ONECUT3: variants seen among roughly 807,000 people sequenced by gnomAD.
ONECUT3 encodes one cut domain family member 3.
ONECUT3 carries 11 observed loss-of-function variants against 16.8 expected under a neutral mutation model. The ratio of observed to expected loss-of-function variants is 0.66; its 90% CI spans 0.41 to 1.09. ONECUT3 has a LOEUF of 1.09. Among genes scored for constraint, ONECUT3 ranks in the 50% least tolerant of loss-of-function variants. ONECUT3 has a pLI of 0.00. For synonymous variants in ONECUT3, 344 were observed against 310.7 expected, an observed-to-expected ratio of 1.11 and a Z score of -1.13; for missense variants, 637 against 629.9, an observed-to-expected ratio of 1.01 and a Z score of -0.12.
intron 1 of ONECUT3, among the ~76,000 whole-genome samples, chr19:1,771,020 G>A (rs894226483): frequency 6.6e-6 from 1 of 152,166 alleles, no homozygotes; most frequent in Admixed American, 6.5e-5. Flanking sequence ...ATTGTCCACA[G>A]CTGAGCCATG....
At position 1,775,142 on chromosome 19, in the gene ONECUT3, C is replaced by T; in HGVS notation, c.1193-11C>T. On this transcript the variant is annotated splice_polypyrimidine_tract_variant and intron_variant, in intron 1 of 1. Transcript: ENST00000382349. The stretch of plus-strand genomic sequence containing the variant: ...GTCCCGCTCGCCCGCCCGCCCGCCG[C>T]TCGCCCGCAGCCTGCAAGCGCAAGG... 1.4e-6 allele frequency: 2 copies of T among 1,380,588 alleles called. No individual in the cohort carries two copies. The highest frequency in any genetic ancestry group is 9.6e-7 in the Non-Finnish European group (1 of 1,037,900). 85.5% of individuals were successfully genotyped at this position (1,380,588 alleles called of 1,614,324 possible).
At position 1,778,214 on chromosome 19, in the gene ONECUT3, C is replaced by G. The variant is rs938630671; in HGVS notation, c.*2769C>G. 4 of 152,114 alleles carry G rather than the reference C, an allele frequency of 2.6e-5. No homozygotes were observed. Among genetic ancestry groups the G allele is most frequent in the Non-Finnish European group, 5.9e-5 (4 of 68,082 alleles). The allele number at this position is 152,114 out of a possible 1,614,324, so 9.4% of individuals were successfully genotyped here. On this transcript the variant is annotated 3_prime_UTR_variant, in exon 2 of 2. Transcript: ENST00000382349. ...ACCTGGGCTCAAGTGATCCTCCTGC[C>G]TCAGCCTCCCAGTAGCTGGGGCCAC...
intron 1 of ONECUT3, 27 bp from the exon 2 acceptor site, chr19:1,775,126 G>GGGGGCCCCCCCCC: frequency 8.7e-7 from 1 of 1,143,900 alleles, no homozygotes; most frequent in Non-Finnish European, 1.2e-6. Flanking sequence ...TGTCCCGCTC[G>GGGGGCCCCCCCCC]CCCGCCCGCC....
Position 1,766,366 on chromosome 19 carries a change from G to A in ONECUT3, c.1193-8787G>A, listed in dbSNP as rs116250890. Among the ~76,000 whole-genome samples the A allele has an allele frequency of 1.2e-3, 190 of 152,302 alleles. 1 individual carries two copies. Among genetic ancestry groups the A allele is most frequent in the African/African-American group, 4.4e-3 (183 of 41,574 alleles). ...CGGGCCCGCCTTCAGGGGCGAGGCGGATGCTGCATCCTGAAGCCCTCCCTG... is the reference window on the plus strand; with the variant it reads ...CGGGCCCGCCTTCAGGGGCGAGGCGAATGCTGCATCCTGAAGCCCTCCCTG... On this transcript the variant is annotated intron_variant, in intron 1 of 1. Transcript: ENST00000382349. This position sits in a 1 kb window ranked among gnomAD's most constrained non-coding sequence, Gnocchi z 4.0.
At position 1,780,103 on chromosome 19, in the gene ONECUT3, G is replaced by C. The variant is rs1448909099; in HGVS notation, c.*4658G>C. 6.6e-6 allele frequency: 1 copy of C among 152,132 alleles called. No homozygotes were observed. Among genetic ancestry groups the C allele is most frequent in the Non-Finnish European group, 1.5e-5 (1 of 68,068 alleles). 9.4% of individuals were successfully genotyped at this position (152,132 alleles called of 1,614,324 possible). ...CTTGTTGCCCAGGGTGGTGGGGGAC[G>C]GGAGTGTGCCCCAACTTCCTGAGAT... On this transcript the variant is annotated 3_prime_UTR_variant, in exon 2 of 2. Coordinates refer to ENST00000382349, the MANE Select transcript of ONECUT3 (RefSeq NM_001080488.2).
intron 1 of ONECUT3, among the ~76,000 whole-genome samples, chr19:1,774,737 G>A (rs2068089064): frequency 1.3e-5 from 2 of 151,112 alleles, no homozygotes; most frequent in African/African-American, 2.4e-5. Flanking sequence ...TGGAGAAGGG[G>A]GCTGGAGGGG....
rs903049922 is a variant in ONECUT3, at chr19:1,776,265, T to C, written c.*820T>C. Reference sequence around the variant, plus strand: ...CCCGTCTGTTGAGTTCACTTTACCTTTAGGCACCTTCGTGGAGCGCAAGGA... The same window carrying C: ...CCCGTCTGTTGAGTTCACTTTACCTCTAGGCACCTTCGTGGAGCGCAAGGA... On this transcript the variant is annotated 3_prime_UTR_variant, in exon 2 of 2. Transcript: ENST00000382349. This position sits in a 1 kb window ranked among gnomAD's most constrained non-coding sequence, Gnocchi z 4.9. The C allele has an allele frequency of 2.0e-5, 3 of 152,172 alleles. No homozygotes were observed. The highest frequency in any genetic ancestry group is 7.2e-5 in the African/African-American group (3 of 41,430). The allele number at this position is 152,172 out of a possible 1,614,324, so 9.4% of individuals were successfully genotyped here. A position where few individuals can be genotyped will look rare whatever the true frequency, so the allele number is the denominator to read the frequency against.
At position 1,754,408 on chromosome 19, in the gene ONECUT3, C is replaced by T; in HGVS notation, c.746C>T (p.Ala249Val). The change falls in exon 1 of 2, where the codon GCC becomes GTC. Residue 249 changes from alanine to valine, a missense_variant. Physicochemically the swap from Ala to Val is moderately conservative, Grantham distance 64. Coordinates refer to ENST00000382349, the MANE Select transcript of ONECUT3 (RefSeq NM_001080488.2). This position sits in a 1 kb window ranked among gnomAD's most constrained non-coding sequence, Gnocchi z 7.4. ...CCGCCCGCCGCCTTCGAGCCGCACG[C>T]CGCGCTGCTGGGACGCGCGGAGGAC... ...LLPPAAFEPH[A>V]ALLGRAEDAL... 9.2e-7 allele frequency: 1 copy of T among 1,081,434 alleles called. No homozygotes were observed. Among genetic ancestry groups the T allele is most frequent in the Non-Finnish European group, 1.1e-6 (1 of 885,582 alleles). The allele number at this position is 1,081,434 out of a possible 1,614,324, so 67.0% of individuals were successfully genotyped here. A position where few individuals can be genotyped will look rare whatever the true frequency, so the allele number is the denominator to read the frequency against.
rs564804638 is a variant in ONECUT3 at position 1,778,382 on chromosome 19, G to A, written c.*2937G>A. The A allele has an allele frequency of 5.9e-5, 9 of 152,326 alleles. 1 individual carries two copies. Among genetic ancestry groups the A allele is most frequent in the African/African-American group, 2.2e-4 (9 of 41,560 alleles). The allele number at this position is 152,326 out of a possible 1,614,324, so 9.4% of individuals were successfully genotyped here. On this transcript the variant is annotated 3_prime_UTR_variant, in exon 2 of 2. Transcript: ENST00000382349. ...GCCTCCAAAAGTGCTAGGATTACAG[G>A]TAGATAGACATTTAGTGGAGGAAGA...
chr19:1,766,621 C>T lies in ONECUT3; in HGVS notation c.1193-8532C>T, dbSNP rs571227507. 2.7e-4 allele frequency among the ~76,000 whole-genome samples: 41 copies of T among 150,354 alleles called. No homozygotes were observed. The East Asian group carries it at 3.6e-3, about 13-fold the overall frequency. On this transcript the variant is annotated intron_variant, in intron 1 of 1. Transcript: ENST00000382349. The surrounding 1 kb of genome is among the most constrained non-coding windows in gnomAD (Gnocchi z 4.0). ...TGAGGAGGAGGAGAGGGGATGGTCCCCTCTTGGAGGGTGATGGGGGTTGAC... is the reference window on the plus strand; with the variant it reads ...TGAGGAGGAGGAGAGGGGATGGTCCTCTCTTGGAGGGTGATGGGGGTTGAC...
chr19:1,756,889 C>A (rs567578558), intron 1 of ONECUT3, among the ~76,000 whole-genome samples: 2 of 152,062 alleles, frequency 1.3e-5, no homozygotes, highest in East Asian at 3.9e-4. Context: ...GCCATCACAC[C>A]AGTAAGGCAG....
rs2068124242 is a variant in ONECUT3 at position 1,777,834 on chromosome 19, A to C, written c.*2389A>C. 1 of 151,954 alleles carries C rather than the reference A, an allele frequency of 6.6e-6. No individual in the cohort carries two copies. The highest frequency in any genetic ancestry group is 1.5e-5 in the Non-Finnish European group (1 of 67,992). 9.4% of individuals were successfully genotyped at this position (151,954 alleles called of 1,614,324 possible). A position where few individuals can be genotyped will look rare whatever the true frequency, so the allele number is the denominator to read the frequency against. ...ATGGTGAAACCCTGTCTCTACTAAA[A>C]ATACAAAAAAATTAGCTGGGCGAGG... On this transcript the variant is annotated 3_prime_UTR_variant, in exon 2 of 2. Transcript: ENST00000382349.
At position 1,775,651 on chromosome 19, in the gene ONECUT3, C is replaced by G; in HGVS notation, c.*206C>G. 2.1e-6 allele frequency: 1 copy of G among 485,232 alleles called. No homozygotes were observed. Among genetic ancestry groups the G allele is most frequent in the Non-Finnish European group, 3.6e-6 (1 of 277,936 alleles). 30.1% of individuals were successfully genotyped at this position (485,232 alleles called of 1,614,324 possible). A position where few individuals can be genotyped will look rare whatever the true frequency, so the allele number is the denominator to read the frequency against. On this transcript the variant is annotated 3_prime_UTR_variant, in exon 2 of 2. Transcript: ENST00000382349. ...AGGGCCCCCCTTCCTCCCTCCATGC[C>G]CACTCCCTCCAGGCCAAAGGAAGCC...
In ONECUT3 at chr19:1,776,976, G is replaced by T. The variant is rs529522780; in HGVS notation, c.*1531G>T. On this transcript the variant is annotated 3_prime_UTR_variant, in exon 2 of 2. Transcript: ENST00000382349. This position sits in a 1 kb window ranked among gnomAD's most constrained non-coding sequence, Gnocchi z 4.9. ...GATTCCCTGGCCTGGGACCCGGCTC[G>T]GGGCCCCGCCTGCCGAGTGCCACCC... 6.6e-6 allele frequency: 1 copy of T among 152,162 alleles called. No individual in the cohort carries two copies. The highest frequency in any genetic ancestry group is 1.5e-5 in the Non-Finnish European group (1 of 68,060). 9.4% of individuals were successfully genotyped at this position (152,162 alleles called of 1,614,324 possible). A position where few individuals can be genotyped will look rare whatever the true frequency, so the allele number is the denominator to read the frequency against.
Position 1,760,552 on chromosome 19 carries a change from G to A in ONECUT3, c.1192+5698G>A, listed in dbSNP as rs143742600. ...ATCCTTTAGGGGTGGTGAGGCCTGC[G>A]CTGCGCTTCCCCCTGTGCCCCAGCT... On this transcript the variant is annotated intron_variant, in intron 1 of 1. Transcript: ENST00000382349. Among the ~76,000 whole-genome samples the A allele has an allele frequency of 4.1e-3, 620 of 152,062 alleles. 4 individuals carry two copies. Among genetic ancestry groups the A allele is most frequent in the African/African-American group, 0.014 (585 of 41,458 alleles).
At chr19:1,775,126 G>GGGGCCCCCCC in intron 1 of ONECUT3, 27 bp from the exon 2 acceptor site, 1 of 1,143,894 alleles carries the variant, frequency 8.7e-7, no homozygotes, top group Non-Finnish European at 1.2e-6. Context: ...TGTCCCGCTC[G>GGGGCCCCCCC]CCCGCCCGCC....
intron 1 of ONECUT3, among the ~76,000 whole-genome samples, chr19:1,773,813 A>AG (rs141777761): frequency 0.22 from 33,319 of 151,928 alleles, 4,211 homozygotes; most frequent in African/African-American, 0.36. Context: ...CCCAGCTCCT[A>AG]GTGGGGGAAG....
chr19:1,768,894 A>AGGTGGAGGT (rs1471507563), intron 1 of ONECUT3, among the ~76,000 whole-genome samples: 5 of 136,710 alleles, frequency 3.7e-5, no homozygotes. Context: ...GAGGTGGTGG[A>AGGTGGAGGT]GGTGGAGGTG....
At position 1,780,525 on chromosome 19, in the gene ONECUT3, TAG is replaced by T. The variant is rs1491418512; in HGVS notation, c.*5081_*5082del. On this transcript the variant is annotated 3_prime_UTR_variant, in exon 2 of 2. Transcript: ENST00000382349. ...GGGCCGCTTTTGGGACAGGCCCCAG[TAG>T]GGGGGGGCGGGGTAGCTAAACGGGG... is the stretch of plus-strand genomic sequence containing the variant. 6.7e-6 allele frequency: 1 copy of T among 148,544 alleles called. No individual in the cohort carries two copies. The highest frequency in any genetic ancestry group is 2.0e-4 in the East Asian group (1 of 5,114). The allele number at this position is 148,544 out of a possible 1,614,324, so 9.2% of individuals were successfully genotyped here.
Sources: gnomAD v4.1 joint callset for allele counts (sites outside exome capture counted in the v4.1 genomes callset) on GRCh38, gnomAD v4.1.1 for gene constraint, Gnocchi (gnomAD v3.1) non-coding constraint, MANE v1.5 for transcripts, NCBI Gene and HGNC (gene_info 2026-07-23, HGNC 2026-07-21) for gene names.